Variants in ZNF577 observed in about 807,000 individuals in gnomAD.
ZNF577 encodes the protein zinc finger protein 577.
ZNF577 carries 14 observed loss-of-function variants against 13.9 expected under a neutral mutation model. The observed-to-expected ratio is 1.00, with a 90% CI of 0.66 to 1.57. ZNF577 has a LOEUF of 1.57. ZNF577 is among the 40% of genes most tolerant of loss of function. The pLI, the probability that ZNF577 is intolerant of heterozygous loss-of-function variation, is 0.00. For missense variants in ZNF577, 555 were observed against 579.2 expected (o/e 0.96, Z 0.43); for synonymous variants, 203 against 202.9 (o/e 1.00, Z 0.00).
chr19:51,852,941 T>TC (rs532615147), intron 5 of ZNF577, among the ~76,000 whole-genome samples: 1,889 of 151,846 alleles, frequency 0.012, 50 homozygotes, highest in African/African-American at 0.044. Flanking sequence ...TTCTTTTTTT[T>TC]TTTCTTTGAG....
intron 5 of ZNF577, among the ~76,000 whole-genome samples, chr19:51,851,492 T>TC: frequency 6.6e-6 from 1 of 152,324 alleles, no homozygotes; most frequent in African/African-American, 2.4e-5. Context: ...CTTTCAACTT[T>TC]CCCATACGTT....
At chr19:51,837,315 T>C (rs923844539) in intron 9 of ZNF577, among the ~76,000 whole-genome samples, 1 of 152,182 alleles carries the variant, frequency 6.6e-6, no homozygotes, top group Non-Finnish European at 1.5e-5. Flanking sequence ...TCAGTCCTGA[T>C]TGGTTGATAC....
rs147264707 is a variant in ZNF577 at position 51,824,324 on chromosome 19, C to T, written c.*600-12650G>A. ...GTGACACTGCTGTAGAGAGGTTGAACGTGTTCATTACCATGGCCAAGGTCT... is the reference window on the plus strand; with the variant it reads ...GTGACACTGCTGTAGAGAGGTTGAATGTGTTCATTACCATGGCCAAGGTCT... On this transcript the variant is annotated intron_variant and NMD_transcript_variant, in intron 9 of 10. Coordinates refer to the ZNF577 transcript ENST00000638827. The surrounding 1 kb of genome is among the most constrained non-coding windows in gnomAD (Gnocchi z 4.7). 49 of 1,614,102 alleles carry T rather than the reference C, an allele frequency of 3.0e-5. No individual in the cohort carries two copies. The highest frequency in any genetic ancestry group is 3.3e-4 in the Middle Eastern group (2 of 6,058).
intron 1 of ZNF577, among the ~76,000 whole-genome samples, chr19:51,883,296 T>A (rs2084892552): frequency 6.6e-6 from 1 of 151,964 alleles, no homozygotes; most frequent in South Asian, 2.1e-4. Context: ...TGGCCAAATT[T>A]TTTTTTTTTA....
chr19:51,841,809 C>T (rs1284061862), intron 8 of ZNF577, among the ~76,000 whole-genome samples: 1 of 152,140 alleles, frequency 6.6e-6, no homozygotes, highest in African/African-American at 2.4e-5. Flanking sequence ...ATCCCACCTA[C>T]TTGGGAGGCT....
At chr19:51,820,076 G>A (rs2084176880) in intron 9 of ZNF577, among the ~76,000 whole-genome samples, 1 of 152,196 alleles carries the variant, frequency 6.6e-6, no homozygotes, top group Admixed American at 6.5e-5. Context: ...AATTGTTACA[G>A]TTTTCTCATT....
intron 9 of ZNF577, among the ~76,000 whole-genome samples, chr19:51,823,267 A>C (rs1464696661): frequency 6.6e-6 from 1 of 152,228 alleles, no homozygotes; most frequent in Admixed American, 6.5e-5. Context: ...CAACTAAAAA[A>C]TAGGTCAAGG....
intron 5 of ZNF577, among the ~76,000 whole-genome samples, chr19:51,849,877 G>A (rs542102518): frequency 2.0e-5 from 3 of 152,242 alleles, no homozygotes; most frequent in East Asian, 1.9e-4. Flanking sequence ...AATACTATTC[G>A]TCAACAAAAG....
At chr19:51,854,898 T>A (rs927552284) in intron 5 of ZNF577, among the ~76,000 whole-genome samples, 5 of 152,206 alleles carry the variant, frequency 3.3e-5, no homozygotes, top group African/African-American at 1.2e-4. Flanking sequence ...AGCTTCATAT[T>A]TGCTTATTCT....
chr19:51,836,106 G>A (rs930786006), intron 9 of ZNF577, among the ~76,000 whole-genome samples: 9 of 151,868 alleles, frequency 5.9e-5, no homozygotes, highest in Non-Finnish European at 8.8e-5. Flanking sequence ...GCAATAAATG[G>A]AAGAAAAAAA....
Position 51,829,268 on chromosome 19 carries a change from C to G in ZNF577, c.*599+10625G>C, listed in dbSNP as rs567817746. On this transcript the variant is annotated intron_variant and NMD_transcript_variant, in intron 9 of 10. Coordinates refer to the ZNF577 transcript ENST00000638827. ...CTGTAAAGAGTCAGTAGCCACAGCC[C>G]CGACAAGCTGGCACTGTGGGCATTT... is the stretch of plus-strand genomic sequence containing the variant. Among the ~76,000 whole-genome samples, 5 of 152,206 alleles carry G rather than the reference C, an allele frequency of 3.3e-5. No homozygotes were observed. The South Asian group carries it at 1.0e-3, about 32-fold the overall frequency.
At chr19:51,847,928 G>T (rs1033338922) in intron 5 of ZNF577, among the ~76,000 whole-genome samples, 1 of 152,140 alleles carries the variant, frequency 6.6e-6, no homozygotes, top group Non-Finnish European at 1.5e-5. Flanking sequence ...ACTTTGGAAG[G>T]CCAGGATCCA....
Position 51,873,786 on chromosome 19 carries a change from A to G in ZNF577, c.284-80T>C, listed in dbSNP as rs540936048. Reference sequence around the variant, plus strand: ...TTAAAGGAACAATGCTCTTACATAAACCAAACTTATTTCCAAGGGCATAAC... The same window carrying G: ...TTAAAGGAACAATGCTCTTACATAAGCCAAACTTATTTCCAAGGGCATAAC... On this transcript the variant is annotated intron_variant, in intron 5 of 5. Transcript: ENST00000638348. The G allele has an allele frequency of 4.0e-5, 44 of 1,105,628 alleles. No individual in the cohort carries two copies. The South Asian group carries it at 6.8e-4, about 17-fold the overall frequency. 68.5% of individuals were successfully genotyped at this position (1,105,628 alleles called of 1,614,324 possible).
At chr19:51,815,600 G>C (rs1290741010) in intron 9 of ZNF577, among the ~76,000 whole-genome samples, 2 of 151,772 alleles carry the variant, frequency 1.3e-5, no homozygotes, top group African/African-American at 4.8e-5. Flanking sequence ...AGGCACGGTG[G>C]CTCACACTTG....
rs1212301908 is a variant in ZNF577 at position 51,868,950 on chromosome 19, A to G, written c.*3582T>C. On this transcript the variant is annotated 3_prime_UTR_variant, in exon 6 of 6. Coordinates refer to ENST00000638348, the MANE Select transcript of ZNF577 (RefSeq NM_001370449.1). ...TGTGTTTGCAGGCAGTATGCTTGGTAAAAGTCATCACCATTCTCCAGTCTC... is the reference window on the plus strand; with the variant it reads ...TGTGTTTGCAGGCAGTATGCTTGGTGAAAGTCATCACCATTCTCCAGTCTC... Among the ~76,000 whole-genome samples the G allele has an allele frequency of 1.3e-5, 2 of 152,206 alleles. No homozygotes were observed. Among genetic ancestry groups the G allele is most frequent in the Non-Finnish European group, 1.5e-5 (1 of 68,032 alleles).
intron 9 of ZNF577, among the ~76,000 whole-genome samples, chr19:51,828,300 G>A (rs1178431827): frequency 6.6e-6 from 1 of 151,458 alleles, no homozygotes; most frequent in East Asian, 1.9e-4. Context: ...CCTGGGAGGT[G>A]AAGGTTGCAA....
At chr19:51,861,704 C>T (rs2084504444) in intron 5 of ZNF577, 1 of 152,340 alleles carries the variant, frequency 6.6e-6, no homozygotes, top group Admixed American at 6.5e-5. Context: ...AGCTTTTTGA[C>T]ATTCACTGCA....
intron 5 of ZNF577, among the ~76,000 whole-genome samples, chr19:51,849,385 A>G (rs1034562413): frequency 1.3e-5 from 2 of 152,156 alleles, no homozygotes; most frequent in Non-Finnish European, 2.9e-5. Context: ...TCCCAGTGCA[A>G]TGGTGTTGGG....
rs1379568295 is a variant in ZNF577 at position 51,883,059 on chromosome 19, T to TCTCAGCTCACTGCAAC, written c.-218-2198_-218-2183dup. Among the ~76,000 whole-genome samples the TCTCAGCTCACTGCAAC allele has an allele frequency of 2.0e-5, 3 of 150,800 alleles. No individual in the cohort carries two copies. In the Admixed American group the frequency reaches 2.0e-4, roughly 10 times the overall value. ...GCCAGGCTAGAGTGCAGTAGCGCGA[T>TCTCAGCTCACTGCAAC]CTCAGCTCACTGCAACCTCCACCTC... On this transcript the variant is annotated intron_variant, in intron 1 of 5. Coordinates refer to ENST00000638348, the MANE Select transcript of ZNF577 (RefSeq NM_001370449.1).
Sources: allele counts gnomAD v4.1 joint callset (sites outside exome capture counted in the v4.1 genomes callset), GRCh38; gene constraint gnomAD v4.1.1; non-coding constraint Gnocchi (gnomAD v3.1); transcripts MANE v1.5; gene names NCBI Gene and HGNC (gene_info 2026-07-23, HGNC 2026-07-21).